The following GSE1 variants were observed in gnomAD, a reference collection of about 807,000 sequenced individuals.
The protein encoded by GSE1 is Gse1 coiled-coil protein, also known as genetic suppressor element 1.
Under a neutral mutation model 112.6 loss-of-function variants are expected in GSE1, and 32 were observed. The ratio of observed to expected loss-of-function variants is 0.28; its 90% confidence interval spans 0.21 to 0.38. The LOEUF (loss-of-function observed/expected upper bound fraction) is 0.38. Ranked by LOEUF, GSE1 falls within the 10% of genes least tolerant of loss-of-function variation. The pLI, the probability that GSE1 is intolerant of heterozygous loss-of-function variation, is 1.00. For synonymous variants in GSE1, 1,115 were observed against 735.6 expected, an observed-to-expected ratio of 1.52 and a Z score of -8.35; for missense variants, 2,348 against 1,699.2, an observed-to-expected ratio of 1.38 and a Z score of -6.71.
chr16:85,642,347 A>G (rs2050512254), intron 2 of GSE1, among the ~76,000 whole-genome samples: 2 of 152,222 alleles, frequency 1.3e-5, no homozygotes, highest in Non-Finnish European at 2.9e-5. Context: ...AATTTTAAAC[A>G]CTAACTTGGG....
intron 1 of GSE1, among the ~76,000 whole-genome samples, chr16:85,586,339 G>A (rs1271129722): frequency 4.6e-5 from 7 of 152,242 alleles, no homozygotes; most frequent in South Asian, 2.1e-4. Flanking sequence ...TGCCTCGGAC[G>A]GCGGAGCCCT....
intron 1 of GSE1, among the ~76,000 whole-genome samples, chr16:85,335,868 G>A (rs77734683): frequency 0.045 from 6,924 of 152,270 alleles, 210 homozygotes; most frequent in African/African-American, 0.07. Context: ...CAGACCTGAC[G>A]TCCAGTGTGG....
At chr16:85,241,981 C>T (rs970267635) in intron 1 of GSE1, among the ~76,000 whole-genome samples, 16 of 152,120 alleles carry the variant, frequency 1.1e-4, no homozygotes, top group Admixed American at 1.0e-3. Flanking sequence ...TTGCTGTCTG[C>T]ACCTGGGGTC....
chr16:85,669,068 G>C (rs1268558615), intron 14 of GSE1, among the ~76,000 whole-genome samples: 1 of 152,264 alleles, frequency 6.6e-6, no homozygotes, highest in Non-Finnish European at 1.5e-5. Flanking sequence ...AGGGAGTGGG[G>C]CCACGAAGTT....
At chr16:85,363,272 A>G (rs976194790) in intron 2 of GSE1, among the ~76,000 whole-genome samples, 1 of 152,214 alleles carries the variant, frequency 6.6e-6, no homozygotes, top group Non-Finnish European at 1.5e-5. Flanking sequence ...CTCACCTGCC[A>G]TACTGGGGTG....
chr16:85,484,970 C>T (rs1310614366), intron 2 of GSE1, among the ~76,000 whole-genome samples: 6 of 152,194 alleles, frequency 3.9e-5, no homozygotes, highest in African/African-American at 1.2e-4. Flanking sequence ...CTGCTCAGCC[C>T]TCATTCAGCC....
chr16:85,639,163 C>A (rs1463459909), intron 2 of GSE1, among the ~76,000 whole-genome samples: 1 of 152,224 alleles, frequency 6.6e-6, no homozygotes, highest in Non-Finnish European at 1.5e-5. Flanking sequence ...CTTTGTTCCT[C>A]CCACATTGTC....
chr16:85,264,571 C>A (rs1315547982), intron 1 of GSE1, among the ~76,000 whole-genome samples: 2 of 152,158 alleles, frequency 1.3e-5, no homozygotes, highest in African/African-American at 2.4e-5. Flanking sequence ...CAGAGGACCC[C>A]CAGGGACGAG....
chr16:85,573,158 C>G (rs2151342282), intron 1 of GSE1, among the ~76,000 whole-genome samples: 1 of 152,334 alleles, frequency 6.6e-6, no homozygotes, highest in Non-Finnish European at 1.5e-5. Context: ...GCCACTGCGC[C>G]CGGCCCATCC....
At chr16:85,486,752 C>G (rs75511474) in intron 2 of GSE1, among the ~76,000 whole-genome samples, 1 of 152,066 alleles carries the variant, frequency 6.6e-6, no homozygotes, top group African/African-American at 2.4e-5. Context: ...TCCTGTTGCA[C>G]AGGCTGTTCT....
upstream of GSE1, among the ~76,000 whole-genome samples, chr16:85,551,181 G>GGA (rs2044897151): frequency 6.6e-6 from 1 of 152,188 alleles, no homozygotes; most frequent in African/African-American, 2.4e-5. Flanking sequence ...GTGAGCTGAG[G>GGA]GATGGGGACA....
At chr16:85,602,375 A>G (rs565669717) in intron 1 of GSE1, among the ~76,000 whole-genome samples, 1 of 152,280 alleles carries the variant, frequency 6.6e-6, no homozygotes, top group Admixed American at 6.5e-5. Flanking sequence ...AAAATCAGGG[A>G]ACAGGGACCC....
intron 2 of GSE1, among the ~76,000 whole-genome samples, chr16:85,478,174 G>A (rs978800292): frequency 3.9e-5 from 6 of 152,230 alleles, no homozygotes; most frequent in African/African-American, 1.2e-4. Context: ...GCATCTTCAC[G>A]GTTCGTCCGT....
intron 1 of GSE1, among the ~76,000 whole-genome samples, chr16:85,258,781 C>A (rs1040095829): frequency 1.3e-5 from 2 of 152,230 alleles, no homozygotes; most frequent in African/African-American, 4.8e-5. Context: ...GCTTGTCAGG[C>A]CCGCGAAGGG....
At chr16:85,305,242 C>A (rs187168591) in intron 1 of GSE1, among the ~76,000 whole-genome samples, 1 of 152,206 alleles carries the variant, frequency 6.6e-6, no homozygotes, top group Non-Finnish European at 1.5e-5. Flanking sequence ...TTCCAGTCCG[C>A]GAAGCTAGAA....
intron 2 of GSE1, among the ~76,000 whole-genome samples, chr16:85,374,543 TGC>T (rs67092141): frequency 0.81 from 119,753 of 148,356 alleles, 48,101 homozygotes; most frequent in Admixed American, 0.88. Context: ...TGTGTGTGTG[TGC>T]GCGCGCGCGT....
At chr16:85,586,215 T>A (rs987034826) in intron 1 of GSE1, among the ~76,000 whole-genome samples, 3 of 152,250 alleles carry the variant, frequency 2.0e-5, no homozygotes, top group African/African-American at 4.8e-5. Context: ...TGACCTCATC[T>A]GAACTAATTA....
At chr16:85,545,142 C>T (rs1362392850) in intron 2 of GSE1, among the ~76,000 whole-genome samples, 8 of 152,324 alleles carry the variant, frequency 5.3e-5, no homozygotes, top group Middle Eastern at 6.8e-3. Flanking sequence ...TCCCAGGAGG[C>T]GTTCCGAGGA....
intron 2 of GSE1, among the ~76,000 whole-genome samples, chr16:85,484,540 C>A (rs1164599687): frequency 6.6e-6 from 1 of 152,240 alleles, no homozygotes; most frequent in African/African-American, 2.4e-5. Flanking sequence ...GGAGACGCCT[C>A]CGCGACACAG....
Sources: gnomAD v4.1 joint callset for allele counts (sites outside exome capture counted in the v4.1 genomes callset) on GRCh38, gnomAD v4.1.1 for gene constraint, MANE v1.5 for transcripts, NCBI Gene and HGNC (gene_info 2026-07-23, HGNC 2026-07-21) for gene names.